Variants in ABCC4 observed in about 807,000 individuals in gnomAD.
ABCC4 encodes the protein ATP binding cassette subfamily C member 4 (PEL blood group).
Under a neutral mutation model 168.5 loss-of-function variants are expected in ABCC4, and 102 were observed. The ratio of observed to expected loss-of-function variants is 0.61; its 90% CI spans 0.52 to 0.71. The LOEUF (loss-of-function observed/expected upper bound fraction) is 0.71. ABCC4 is among the 30% of genes least tolerant of loss of function. The pLI is 0.00. For missense variants in ABCC4, 1,402 were observed against 1,605.8 expected, an observed-to-expected ratio of 0.87 and a Z score of 2.17; for synonymous variants, 617 against 590.7, an observed-to-expected ratio of 1.04 and a Z score of -0.65.
intron 19 of ABCC4, among the ~76,000 whole-genome samples, chr13:95,121,082 C>G (rs1374309367): frequency 6.6e-6 from 1 of 152,164 alleles, no homozygotes; most frequent in Non-Finnish European, 1.5e-5. Flanking sequence ...CAGAGGCTCA[C>G]AGAAGGCATG....
intron 3 of ABCC4, among the ~76,000 whole-genome samples, chr13:95,244,810 A>G (rs1339837332): frequency 6.6e-6 from 1 of 151,656 alleles, no homozygotes; most frequent in Non-Finnish European, 1.5e-5. Flanking sequence ...TTCTACTAGC[A>G]CTGCTGCTGC....
At chr13:95,079,820 A>C (rs1396335179) in intron 21 of ABCC4, among the ~76,000 whole-genome samples, 1 of 152,140 alleles carries the variant, frequency 6.6e-6, no homozygotes, top group African/African-American at 2.4e-5. Context: ...TGGGCAACAG[A>C]GTGAGACTAT....
intron 20 of ABCC4, among the ~76,000 whole-genome samples, chr13:95,112,667 G>C (rs1368559706): frequency 6.6e-6 from 1 of 152,138 alleles, no homozygotes; most frequent in Non-Finnish European, 1.5e-5. Context: ...GTAACATCTT[G>C]ACAAAGAAAT....
intron 19 of ABCC4, among the ~76,000 whole-genome samples, chr13:95,119,020 C>T (rs992788324): frequency 2.0e-5 from 3 of 152,192 alleles, no homozygotes; most frequent in Admixed American, 1.3e-4. Context: ...TTGGCCATTG[C>T]CTCAGCACAT....
chr13:95,097,592 CTTT>C (rs56169430), intron 20 of ABCC4, among the ~76,000 whole-genome samples: 5 of 82,116 alleles, frequency 6.1e-5, no homozygotes, highest in South Asian at 6.2e-4. Context: ...AATATACATT[CTTT>C]TTTTTTTTTT....
At chr13:95,026,339 G>C (rs2031543282) in intron 30 of ABCC4, among the ~76,000 whole-genome samples, 1 of 141,136 alleles carries the variant, frequency 7.1e-6, no homozygotes, top group Non-Finnish European at 1.6e-5. Context: ...CACAGGATAG[G>C]ATTGAGCAAA....
intron 13 of ABCC4, among the ~76,000 whole-genome samples, chr13:95,172,826 G>A (rs188799036): frequency 2.0e-5 from 3 of 152,102 alleles, no homozygotes; most frequent in African/African-American, 4.8e-5. Context: ...CAGCTACTCG[G>A]GAGGATCACT....
chr13:95,253,746 A>T (rs1316109870), intron 1 of ABCC4, among the ~76,000 whole-genome samples: 1 of 152,084 alleles, frequency 6.6e-6, no homozygotes, highest in East Asian at 1.9e-4. Context: ...CCCATCAAAA[A>T]AAAAACAACA....
chr13:95,156,445 C>T (rs2036857472), intron 19 of ABCC4, among the ~76,000 whole-genome samples: 1 of 152,114 alleles, frequency 6.6e-6, no homozygotes, highest in Admixed American at 6.5e-5. Context: ...CTGCCCATGC[C>T]AGGAAAACAG....
intron 1 of ABCC4, among the ~76,000 whole-genome samples, chr13:95,278,507 C>A (rs1453825695): frequency 6.6e-6 from 1 of 152,138 alleles, no homozygotes; most frequent in East Asian, 1.9e-4. Flanking sequence ...CAAGCCCAGA[C>A]AGAGAGGCAA....
chr13:95,093,402 A>T (rs1165256405), intron 20 of ABCC4, among the ~76,000 whole-genome samples: 1 of 152,204 alleles, frequency 6.6e-6, no homozygotes, highest in Non-Finnish European at 1.5e-5. Context: ...CAAGTCAATA[A>T]ATGTGATACA....
At chr13:95,197,762 AAGTCAT>A (rs1341412386) in intron 8 of ABCC4, among the ~76,000 whole-genome samples, 1 of 152,200 alleles carries the variant, frequency 6.6e-6, no homozygotes. Context: ...CTGGATGTGG[AAGTCAT>A]TGAAGACTTT....
chr13:95,210,201 G>A (rs571401177), intron 5 of ABCC4, among the ~76,000 whole-genome samples: 3 of 152,350 alleles, frequency 2.0e-5, no homozygotes, highest in East Asian at 1.9e-4. Context: ...GATACTGGGC[G>A]GGTATGGTGT....
rs200227213 is a variant in ABCC4 at position 95,083,322 on chromosome 13, T to C, written c.2536-32A>G. On this transcript the variant is annotated intron_variant, in intron 20 of 30. Transcript: ENST00000645237. Reference sequence around the variant, plus strand: ...TAGCAGAAGTAGATGCAGGTTTTCCTTATCAAGTATTCTTTTCAAAAATAC... The same window carrying C: ...TAGCAGAAGTAGATGCAGGTTTTCCCTATCAAGTATTCTTTTCAAAAATAC... 4 of 1,606,372 alleles carry C rather than the reference T, an allele frequency of 2.5e-6. No homozygotes were observed. The South Asian group carries it at 3.3e-5, about 13-fold the overall frequency.
At chr13:95,203,148 C>T (rs780427914) in intron 8 of ABCC4, among the ~76,000 whole-genome samples, 1 of 152,152 alleles carries the variant, frequency 6.6e-6, no homozygotes, top group African/African-American at 2.4e-5. Flanking sequence ...CTCCTTGTTA[C>T]CTAGTGGGTA....
At chr13:95,188,320 T>G (rs1348206913) in intron 10 of ABCC4, 133 bp downstream of exon 10, 1 of 796,080 alleles carries the variant, frequency 1.3e-6, no homozygotes, top group Non-Finnish European at 2.2e-6. Context: ...AAACGAATGT[T>G]CCATGCACTG....
Position 95,044,353 on chromosome 13 carries a change from T to C in ABCC4, c.3542A>G (p.Gln1181Arg). ...AESGSNFSVG[Q>R]RQLVCLARAI... is the part of the protein sequence containing the mutation. ...CCTGGCAAGGCACACCAGTTGTCTT[T>C]GTCCAACACTAAAATTGGATCCTGA... The change falls in exon 28 of 31, where the codon CAA becomes CGA. Residue 1181 changes from glutamine (Q) to arginine (R), a missense_variant. By Grantham distance (43) the Gln-to-Arg change is conservative. Coordinates refer to ENST00000645237, the MANE Select transcript of ABCC4 (RefSeq NM_005845.5). The C allele has an allele frequency of 2.5e-6, 4 of 1,613,944 alleles. No individual in the cohort carries two copies. Among genetic ancestry groups the C allele is most frequent in the Non-Finnish European group, 3.4e-6 (4 of 1,179,940 alleles).
At chr13:95,086,272 T>G (rs567161571) in intron 20 of ABCC4, among the ~76,000 whole-genome samples, 1 of 152,138 alleles carries the variant, frequency 6.6e-6, no homozygotes, top group Non-Finnish European at 1.5e-5. Flanking sequence ...TTAAGAATTA[T>G]TGTTTACATC....
intron 25 of ABCC4, among the ~76,000 whole-genome samples, chr13:95,067,484 T>C (rs992226146): frequency 6.6e-6 from 1 of 152,100 alleles, no homozygotes; most frequent in African/African-American, 2.4e-5. Flanking sequence ...CAAAATTGCT[T>C]ACCGGAGAGC....
Sources: gnomAD v4.1 joint callset for allele counts (sites outside exome capture counted in the v4.1 genomes callset) on GRCh38, gnomAD v4.1.1 for gene constraint, MANE v1.5 for transcripts, NCBI Gene and HGNC (gene_info 2026-07-23, HGNC 2026-07-21) for gene names.